Variants in BAZ1A observed in about 807,000 individuals in gnomAD.
BAZ1A encodes the protein bromodomain adjacent to zinc finger domain 1A.
In BAZ1A, 50 loss-of-function variants were observed where a neutral mutation model predicts 185.2. The observed-to-expected ratio is 0.27, with a 90% CI of 0.22 to 0.34. The LOEUF is 0.34. Ranked by LOEUF, BAZ1A falls within the 10% of genes least tolerant of loss-of-function variation. The pLI, the probability that BAZ1A is intolerant of heterozygous loss-of-function variation, is 1.00. For synonymous variants in BAZ1A, 571 were observed against 615.6 expected (o/e 0.93, Z 1.07); for missense variants, 1,356 against 1,839.9 (o/e 0.74, Z 4.81).
In BAZ1A at chr14:34,771,623, T is replaced by G. The variant is rs777358097; in HGVS notation, c.3189A>C (p.Val1063=). ...ATTGTGGTGTACTTGCATTTGTTGATACAGTACTTGGAGTTTCTGTTTTTA... is the reference window on the plus strand; with the variant it reads ...ATTGTGGTGTACTTGCATTTGTTGAGACAGTACTTGGAGTTTCTGTTTTTA... ...LGIKTETPST[V]STNASTPQSV... is the part of the protein sequence containing the mutation. The change falls in exon 21 of 27, where the codon GTA becomes GTC. Residue 1063 remains valine, a synonymous_variant. Transcript: ENST00000360310. The G allele has an allele frequency of 1.9e-6, 3 of 1,613,970 alleles. No homozygotes were observed. The highest frequency in any genetic ancestry group is 2.5e-6 in the Non-Finnish European group (3 of 1,180,010).
In BAZ1A at chr14:34,874,458, C is replaced by G. The variant is rs199753877; in HGVS notation, c.113+34G>C. 6 of 1,565,438 alleles carry G rather than the reference C, an allele frequency of 3.8e-6. No individual in the cohort carries two copies. Among genetic ancestry groups the G allele is most frequent in the East Asian group, 2.3e-5 (1 of 43,948 alleles). On this transcript the variant is annotated intron_variant, in intron 2 of 26. Coordinates refer to ENST00000360310, the MANE Select transcript of BAZ1A (RefSeq NM_013448.3). This position sits in a 1 kb window ranked among gnomAD's most constrained non-coding sequence, Gnocchi z 4.7. Reference sequence around the variant, plus strand: ...GAGCGCTGCGGGGGGAGTCCCCACACCCCCCGCGGCCCCGCACACGGCCCG... The same window carrying G: ...GAGCGCTGCGGGGGGAGTCCCCACAGCCCCCGCGGCCCCGCACACGGCCCG...
chr14:34,827,942 G>A (rs556783600), intron 3 of BAZ1A, among the ~76,000 whole-genome samples: 1 of 151,924 alleles, frequency 6.6e-6, no homozygotes, highest in South Asian at 2.1e-4. Context: ...CCTTTACTCT[G>A]CATACTGTAT....
intron 4 of BAZ1A, among the ~76,000 whole-genome samples, chr14:34,825,314 G>A (rs1362384976): frequency 6.6e-6 from 1 of 151,876 alleles, no homozygotes; most frequent in African/African-American, 2.4e-5. Flanking sequence ...TTAGCCGGGC[G>A]TGGTGGTGCA....
At chr14:34,795,205 C>T (rs1323601798) in intron 10 of BAZ1A, among the ~76,000 whole-genome samples, 1 of 152,206 alleles carries the variant, frequency 6.6e-6, no homozygotes, top group Non-Finnish European at 1.5e-5. Flanking sequence ...AACCCACATT[C>T]TGAAGTCAAA....
At chr14:34,791,571 TG>T (rs887183614) in intron 12 of BAZ1A, among the ~76,000 whole-genome samples, 1 of 152,208 alleles carries the variant, frequency 6.6e-6, no homozygotes, top group Non-Finnish European at 1.5e-5. Context: ...AATATCCTGT[TG>T]CTTCAGAGAC....
At chr14:34,865,503 C>CT (rs761182420) in intron 2 of BAZ1A, among the ~76,000 whole-genome samples, 3 of 152,108 alleles carry the variant, frequency 2.0e-5, no homozygotes, top group East Asian at 1.9e-4. Context: ...TAGGTTATCT[C>CT]TATTAGTTTG....
At chr14:34,754,117 T>C (rs1886133899) in intron 26 of BAZ1A, among the ~76,000 whole-genome samples, 1 of 150,194 alleles carries the variant, frequency 6.7e-6, no homozygotes, top group Admixed American at 6.6e-5. Flanking sequence ...TGGGGCGTGG[T>C]GGCGGGCATC....
rs772611817 is a variant in BAZ1A, at chr14:34,862,061, A to G, written c.375T>C (p.Ile125=). ...RYFVEETVEV[I]RNNGARLQCR... ...TACTTTACCTTGCACCATTGTTCCT[A>G]ATGACTTCCACAGTTTCTTCGACAA... The change falls in exon 3 of 27, where the codon ATT becomes ATC. Residue 125 remains isoleucine (I), a synonymous_variant. Coordinates refer to ENST00000360310, the MANE Select transcript of BAZ1A (RefSeq NM_013448.3). 1.2e-6 allele frequency: 2 copies of G among 1,614,038 alleles called. No individual in the cohort carries two copies. Among genetic ancestry groups the G allele is most frequent in the Admixed American group, 3.3e-5 (2 of 59,996 alleles).
intron 2 of BAZ1A, among the ~76,000 whole-genome samples, chr14:34,872,941 A>AAACAAAAAAAAAAAAAAAAAAAAC (rs1555346584): frequency 8.2e-6 from 1 of 122,620 alleles, no homozygotes; most frequent in Non-Finnish European, 1.7e-5. Context: ...AAAAAAAAAA[A>AAACAAAAAAAAAAAAAAAAAAAAC]CTTGTCCAAT....
rs1325658309 is a variant in BAZ1A at position 34,862,327 on chromosome 14, T to G, written c.114-5A>C. The G allele has an allele frequency of 1.3e-6, 2 of 1,582,042 alleles. No homozygotes were observed. The highest frequency in any genetic ancestry group is 1.7e-6 in the Non-Finnish European group (2 of 1,167,130). On this transcript the variant is annotated splice_polypyrimidine_tract_variant and splice_region_variant and intron_variant, in intron 2 of 26. Coordinates refer to ENST00000360310, the MANE Select transcript of BAZ1A (RefSeq NM_013448.3). ...ATGGTTCGTTCAAAAAAGTCACTGA[T>G]TAAAAAACAAAAACAAAAACAAAAG...
intron 3 of BAZ1A, among the ~76,000 whole-genome samples, chr14:34,848,007 G>A (rs1404387628): frequency 6.6e-6 from 1 of 151,958 alleles, no homozygotes; most frequent in Non-Finnish European, 1.5e-5. Flanking sequence ...CTACAGGCAC[G>A]CACTACCAAG....
At chr14:34,826,982 TCTC>T (rs1337155866) in intron 3 of BAZ1A, among the ~76,000 whole-genome samples, 3 of 152,068 alleles carry the variant, frequency 2.0e-5, no homozygotes, top group Non-Finnish European at 4.4e-5. Context: ...ACACCTCTCT[TCTC>T]CTGCCTTTGG....
rs60368383 is a variant in BAZ1A, at chr14:34,827,734, CA to C, written c.393-1579del. ...TTGGCAACAAAGCAAGACTCTGTCT[CA>C]AAAAAAAAAAAAAAAGAAAGTCATA... On this transcript the variant is annotated intron_variant, in intron 3 of 26. Transcript: ENST00000360310. 2.5e-3 allele frequency among the ~76,000 whole-genome samples: 335 copies of C among 133,054 alleles called. 2 individuals are homozygous for C. The highest frequency in any genetic ancestry group is 5.0e-3 in the African/African-American group (173 of 34,704). 87.3% of individuals were successfully genotyped at this position (133,054 alleles called of 152,430 possible). A position where few individuals can be genotyped will look rare whatever the true frequency, so the allele number is the denominator to read the frequency against.
chr14:34,778,750 TTATTA>T (rs1879834399), intron 17 of BAZ1A, among the ~76,000 whole-genome samples: 1 of 152,244 alleles, frequency 6.6e-6, no homozygotes, highest in Non-Finnish European at 1.5e-5. Context: ...AGTCTTAACT[TTATTA>T]TGATTGCCCT....
At position 34,753,988 on chromosome 14, in the gene BAZ1A, C is replaced by G. The variant is rs143942087; in HGVS notation, c.4475-284G>C. On this transcript the variant is annotated intron_variant, in intron 26 of 26. Transcript: ENST00000360310. ...CAAAAATTAGCCACTTGCGGTGGTT[C>G]AAGCCTGTAATCCCAGCACTTTGGG... 3.9e-3 allele frequency among the ~76,000 whole-genome samples: 586 copies of G among 151,786 alleles called. 6 individuals carry two copies. The highest frequency in any genetic ancestry group is 0.014 in the African/African-American group (563 of 41,376).
At chr14:34,845,200 A>C (rs1407546337) in intron 3 of BAZ1A, 1 of 151,340 alleles carries the variant, frequency 6.6e-6, no homozygotes, top group Non-Finnish European at 1.5e-5. Context: ...GTATTTTTTC[A>C]TACTTTTACT....
intron 14 of BAZ1A, among the ~76,000 whole-genome samples, chr14:34,784,798 G>A (rs987866475): frequency 4.0e-5 from 6 of 151,588 alleles, no homozygotes; most frequent in Non-Finnish European, 8.8e-5. Context: ...GATTACAGGC[G>A]TGAGCCACCG....
intron 3 of BAZ1A, among the ~76,000 whole-genome samples, chr14:34,843,798 T>G (rs1175576276): frequency 6.6e-6 from 1 of 152,200 alleles, no homozygotes; most frequent in African/African-American, 2.4e-5. Flanking sequence ...CTCTGAGGTT[T>G]TAGGCTCTGG....
At chr14:34,756,410 T>C (rs113731836) in intron 25 of BAZ1A, among the ~76,000 whole-genome samples, 15,111 of 149,020 alleles carry the variant, frequency 0.1, 976 homozygotes, top group Admixed American at 0.21. Context: ...CCACTGTGCC[T>C]GGCCCTAAAC....
Sources: allele counts gnomAD v4.1 joint callset (sites outside exome capture counted in the v4.1 genomes callset), GRCh38; gene constraint gnomAD v4.1.1; non-coding constraint Gnocchi (gnomAD v3.1); transcripts MANE v1.5; gene names NCBI Gene and HGNC (gene_info 2026-07-23, HGNC 2026-07-21).